The following PDZD2 variants were observed in gnomAD, a reference collection of about 807,000 sequenced individuals.
PDZD2 encodes PDZ domain-containing protein 2.
In PDZD2, 90 loss-of-function variants were observed where a neutral mutation model predicts 220.7. The ratio of observed to expected loss-of-function variants is 0.41; its 90% confidence interval spans 0.34 to 0.49. The LOEUF (loss-of-function observed/expected upper bound fraction) is 0.49, where lower values mean the gene tolerates loss of function less well. Ranked by LOEUF, PDZD2 falls within the 20% of genes least tolerant of loss-of-function variation. The pLI is 0.28. For synonymous variants in PDZD2, 1,375 were observed against 1,450.5 expected (o/e 0.95, Z 1.18); for missense variants, 3,174 against 3,608.5 (o/e 0.88, Z 3.08).
intron 2 of PDZD2, among the ~76,000 whole-genome samples, chr5:31,942,925 G>T (rs965847135): frequency 6.6e-6 from 1 of 152,176 alleles, no homozygotes; most frequent in South Asian, 2.1e-4. Flanking sequence ...AGACAAGGCC[G>T]GGCACGGTGA....
chr5:31,956,154 C>G (rs1747657697), intron 2 of PDZD2, among the ~76,000 whole-genome samples: 2 of 151,918 alleles, frequency 1.3e-5, no homozygotes, highest in South Asian at 2.1e-4. Context: ...TAGTACTGTT[C>G]AAGTCCACTG....
intron 2 of PDZD2, among the ~76,000 whole-genome samples, chr5:31,884,670 C>A (rs1480001708): frequency 1.3e-5 from 2 of 152,086 alleles, no homozygotes; most frequent in African/African-American, 2.4e-5. Context: ...CTCACTGCAA[C>A]CTCCATCTCC....
chr5:31,970,439 TGA>T (rs1380976752), intron 2 of PDZD2, among the ~76,000 whole-genome samples: 2 of 151,968 alleles, frequency 1.3e-5, no homozygotes, highest in African/African-American at 4.8e-5. Flanking sequence ...GCAGATCACT[TGA>T]GGTCAGGAAT....
At chr5:31,868,595 C>T (rs13347335) in intron 2 of PDZD2, among the ~76,000 whole-genome samples, 12,867 of 152,026 alleles carry the variant, frequency 0.085, 679 homozygotes, top group East Asian at 0.2. Flanking sequence ...AGGGACTGCG[C>T]GTAGTGTTCA....
chr5:31,739,165 C>T (rs756557374), intron 1 of PDZD2, among the ~76,000 whole-genome samples: 2 of 152,266 alleles, frequency 1.3e-5, no homozygotes, highest in African/African-American at 2.4e-5. Flanking sequence ...GGATTACAGG[C>T]GTGAGCCACC....
At chr5:31,863,078 T>G (rs1256612917) in intron 2 of PDZD2, among the ~76,000 whole-genome samples, 1 of 152,168 alleles carries the variant, frequency 6.6e-6, no homozygotes, top group Non-Finnish European at 1.5e-5. Context: ...GAGACGGAGT[T>G]TCACCATGTT....
chr5:32,069,616 G>A lies in PDZD2; in HGVS notation c.2499G>A (p.Gln833=). 1.3e-6 allele frequency: 2 copies of A among 1,595,296 alleles called. No individual in the cohort carries two copies. Among genetic ancestry groups the A allele is most frequent in the Middle Eastern group, 1.7e-4 (1 of 6,030 alleles). ...AAGTCATAGCACGCAGCACTTATCAGGAGAGCAAAGAGGCCAATTCCTCTC... is the reference window on the plus strand; with the variant it reads ...AAGTCATAGCACGCAGCACTTATCAAGAGAGCAAAGAGGCCAATTCCTCTC... ...MDEVIARSTY[Q]ESKEANSSPG... Residue 833 remains glutamine, a synonymous_variant, in exon 15 of 25, where the codon CAG becomes CAA. Transcript: ENST00000438447.
intron 1 of PDZD2, among the ~76,000 whole-genome samples, chr5:31,766,863 G>A (rs1752054268): frequency 6.6e-6 from 1 of 151,492 alleles, no homozygotes. Flanking sequence ...CTGAGTAGCT[G>A]CAATTAAAGT....
In PDZD2 at chr5:32,087,665, C is replaced by T. The variant is rs73061717; in HGVS notation, c.4217C>T (p.Ala1406Val). The T allele has an allele frequency of 6.6e-5, 107 of 1,614,218 alleles. No individual in the cohort carries two copies. In the African/African-American group the frequency reaches 1.0e-3, roughly 16 times the overall value. ...CCATCCACTGACAACACCAAAGAAG[C>T]ATGTGGCCATGTCTCGGGGCACTGC... Reference protein sequence around the residue: ...MLPSTDNTKEACGHVSGHCCP... With the variant: ...MLPSTDNTKEVCGHVSGHCCP... The change falls in exon 20 of 25, where the codon GCA becomes GTA. Residue 1406 changes from alanine (A) to valine (V), a missense_variant. By Grantham distance (64) the Ala-to-Val change is moderately conservative (BLOSUM62 0). This residue lies in a region of PDZD2 where 1,861 missense variants were observed against 2,001.0 expected (regional missense o/e 0.93). Transcript: ENST00000438447. This position sits in a 1 kb window ranked among gnomAD's most constrained non-coding sequence, Gnocchi z 4.0.
chr5:31,662,865 T>A (rs183909026), intron 1 of PDZD2, among the ~76,000 whole-genome samples: 3 of 152,300 alleles, frequency 2.0e-5, no homozygotes, highest in South Asian at 2.1e-4. Context: ...CTCCTGACCT[T>A]GTGATCCACC....
chr5:31,905,040 C>A (rs1742515501), intron 2 of PDZD2, among the ~76,000 whole-genome samples: 1 of 152,100 alleles, frequency 6.6e-6, no homozygotes, highest in African/African-American at 2.4e-5. Context: ...CCGATCTTAG[C>A]CCACTGCAAC....
At chr5:31,980,810 G>C (rs1321033176) in intron 2 of PDZD2, among the ~76,000 whole-genome samples, 2 of 152,170 alleles carry the variant, frequency 1.3e-5, no homozygotes, top group Non-Finnish European at 2.9e-5. Flanking sequence ...TTGAGATGGA[G>C]TCTTGCTCTG....
intron 1 of PDZD2, among the ~76,000 whole-genome samples, chr5:31,723,862 C>A (rs890037147): frequency 6.6e-6 from 1 of 152,100 alleles, no homozygotes; most frequent in African/African-American, 2.4e-5. Context: ...AGGCGATCCG[C>A]CCACCTCGAC....
chr5:32,080,347 CAAAAAAAAAA>C (rs35491724), intron 19 of PDZD2, among the ~76,000 whole-genome samples: 1 of 54,282 alleles, frequency 1.8e-5, no homozygotes, highest in African/African-American at 8.0e-5. Context: ...GACTCCATCT[CAAAAAAAAAA>C]AAAAAAAAAA....
chr5:32,104,744 A>C (rs557759295), intron 24 of PDZD2, among the ~76,000 whole-genome samples: 267 of 147,726 alleles, frequency 1.8e-3, no homozygotes, highest in African/African-American at 6.5e-3. Context: ...AAAAAAAAAA[A>C]AACATATAAA....
At chr5:31,811,695 A>G (rs1010316353) in intron 2 of PDZD2, among the ~76,000 whole-genome samples, 1 of 152,080 alleles carries the variant, frequency 6.6e-6, no homozygotes, top group Non-Finnish European at 1.5e-5. Flanking sequence ...ATAGCCTTAA[A>G]TTTTCAAGCT....
rs557335232 is a variant in PDZD2 at position 31,713,438 on chromosome 5, C to G, written c.-361+74001C>G. ...ATTATTCCCAGTTAGGCTGCTTGAT[C>G]ATTGAAATCAAGAATACATCTTGGT... is the stretch of plus-strand genomic sequence containing the variant. On this transcript the variant is annotated intron_variant, in intron 1 of 24. Transcript: ENST00000438447. Among the ~76,000 whole-genome samples the G allele has an allele frequency of 6.6e-5, 10 of 152,312 alleles. No individual in the cohort carries two copies. The East Asian group carries it at 1.2e-3, about 18-fold the overall frequency.
intron 2 of PDZD2, among the ~76,000 whole-genome samples, chr5:31,853,189 A>G (rs1758160760): frequency 6.6e-6 from 1 of 152,162 alleles, no homozygotes; most frequent in African/African-American, 2.4e-5. Flanking sequence ...TAAGCCAGAC[A>G]CTTTGTGTTA....
intron 2 of PDZD2, among the ~76,000 whole-genome samples, chr5:31,963,704 C>G (rs1748455411): frequency 6.6e-6 from 1 of 152,206 alleles, no homozygotes; most frequent in Non-Finnish European, 1.5e-5. Flanking sequence ...GAGTCAGACT[C>G]CAGCTGATGG....
Sources: allele counts gnomAD v4.1 joint callset (sites outside exome capture counted in the v4.1 genomes callset), GRCh38; gene constraint gnomAD v4.1.1; regional missense constraint gnomAD v4.1.1; non-coding constraint Gnocchi (gnomAD v3.1); transcripts MANE v1.5; gene names NCBI Gene and HGNC (gene_info 2026-07-23, HGNC 2026-07-21).